The following TANGO6 variants were observed in gnomAD, a reference collection of about 807,000 sequenced individuals.
TANGO6 encodes transport and golgi organization 6 homolog, also known as transport and Golgi organization protein 6 homolog.
In TANGO6, 90 loss-of-function variants were observed where a neutral mutation model predicts 114.2. That is an observed-to-expected ratio of 0.79 (90% confidence interval 0.66 to 0.94). The LOEUF is 0.94. TANGO6 is among the 40% of genes least tolerant of loss of function. TANGO6 has a pLI of 0.00. For synonymous variants in TANGO6, 477 were observed against 509.8 expected (o/e 0.94, Z 0.87); for missense variants, 1,274 against 1,315.3 (o/e 0.97, Z 0.49).
intron 17 of TANGO6, among the ~76,000 whole-genome samples, chr16:69,053,108 A>G (rs1294102211): frequency 6.6e-6 from 1 of 152,156 alleles, no homozygotes; most frequent in Non-Finnish European, 1.5e-5. Flanking sequence ...GGTCTCAAAA[A>G]ATAAATAAAA....
intron 14 of TANGO6, among the ~76,000 whole-genome samples, chr16:68,942,562 A>G (rs2113278): frequency 0.023 from 3,441 of 152,302 alleles, 102 homozygotes; most frequent in African/African-American, 0.063. Context: ...TTAATCTGAC[A>G]TAGGAAGAAT....
intron 15 of TANGO6, among the ~76,000 whole-genome samples, chr16:68,977,539 A>G (rs549261301): frequency 6.6e-6 from 1 of 150,678 alleles, no homozygotes; most frequent in African/African-American, 2.4e-5. Context: ...CCCTGTCTCT[A>G]CTAAAAATAC....
At chr16:68,929,671 C>A (rs1022518371) in intron 13 of TANGO6, among the ~76,000 whole-genome samples, 1 of 152,106 alleles carries the variant, frequency 6.6e-6, no homozygotes, top group African/African-American at 2.4e-5. Context: ...GTAGTTGATA[C>A]CCCTGATAGG....
At chr16:68,904,353 G>A (rs376177434) in intron 9 of TANGO6, among the ~76,000 whole-genome samples, 1 of 152,138 alleles carries the variant, frequency 6.6e-6, no homozygotes, top group Non-Finnish European at 1.5e-5. Flanking sequence ...TAGAAGGGAC[G>A]TTTATCCATT....
intron 15 of TANGO6, among the ~76,000 whole-genome samples, chr16:69,012,580 G>GAAAAAAAA (rs745623750): frequency 9.2e-6 from 1 of 108,538 alleles, no homozygotes; most frequent in Non-Finnish European, 1.9e-5. Context: ...AAAAAAAAAG[G>GAAAAAAAA]AAAAAAAAAA....
At chr16:68,981,193 ATTTCTTT>A (rs914778575) in intron 15 of TANGO6, among the ~76,000 whole-genome samples, 7 of 123,530 alleles carry the variant, frequency 5.7e-5, no homozygotes, top group Non-Finnish European at 3.5e-5. Flanking sequence ...ATGTCATTGC[ATTTCTTT>A]TTTCTTTTCC....
chr16:68,877,920 T>A (rs1333430798), intron 5 of TANGO6, among the ~76,000 whole-genome samples, 198 bp from the exon 6 acceptor site: 3 of 152,226 alleles, frequency 2.0e-5, no homozygotes, highest in Non-Finnish European at 4.4e-5. Flanking sequence ...AAAATTTTTT[T>A]AATTAAAAAT....
chr16:69,002,656 A>G (rs1964054462), intron 15 of TANGO6, among the ~76,000 whole-genome samples: 1 of 152,140 alleles, frequency 6.6e-6, no homozygotes. Context: ...TTTTCTTTAT[A>G]AATTACCCAG....
Position 68,875,295 on chromosome 16 carries a change from A to G in TANGO6, c.1131+5A>G, listed in dbSNP as rs1318375892. 6.2e-7 allele frequency: 1 copy of G among 1,611,338 alleles called. No homozygotes were observed. The highest frequency in any genetic ancestry group is 8.5e-7 in the Non-Finnish European group (1 of 1,178,230). ...TACAGGGACATCTGCCCCCAGGTAA[A>G]TCTTTTTGTTTCTATTGATCATTTG... On this transcript the variant is annotated splice_donor_5th_base_variant and intron_variant, in intron 5 of 17. Coordinates refer to ENST00000261778, the MANE Select transcript of TANGO6 (RefSeq NM_024562.2).
intron 14 of TANGO6, chr16:68,933,990 T>A (rs1963274417): frequency 6.6e-6 from 1 of 152,092 alleles, no homozygotes; most frequent in South Asian, 2.1e-4. Flanking sequence ...TAAGAGAGCA[T>A]GCAGAGGGGA....
At chr16:69,000,482 A>T (rs1313304810) in intron 15 of TANGO6, among the ~76,000 whole-genome samples, 1 of 152,212 alleles carries the variant, frequency 6.6e-6, no homozygotes, top group Non-Finnish European at 1.5e-5. Flanking sequence ...TAAAGGGAAG[A>T]CTTAGCTTTC....
chr16:68,898,564 T>C (rs1384573849), intron 7 of TANGO6, among the ~76,000 whole-genome samples: 1 of 152,130 alleles, frequency 6.6e-6, no homozygotes, highest in Non-Finnish European at 1.5e-5. Context: ...GTTCTCAAAC[T>C]CCTGGGCTCA....
At chr16:68,965,248 C>A (rs547525248) in intron 14 of TANGO6, among the ~76,000 whole-genome samples, 33 of 152,278 alleles carry the variant, frequency 2.2e-4, no homozygotes, top group South Asian at 1.0e-3. Context: ...CAACCTCCAT[C>A]TCCCTGGTTC....
chr16:68,907,037 C>T (rs1962859826), intron 9 of TANGO6, among the ~76,000 whole-genome samples: 4 of 151,802 alleles, frequency 2.6e-5, no homozygotes, highest in Admixed American at 2.6e-4. Context: ...TCAGGTGATC[C>T]ACCCGCCTCG....
chr16:69,014,731 T>TA (rs578057809), intron 15 of TANGO6, among the ~76,000 whole-genome samples: 52 of 150,516 alleles, frequency 3.5e-4, no homozygotes, highest in African/African-American at 1.0e-3. Context: ...CCAATCTCTG[T>TA]AAAAAAAATT....
chr16:68,994,486 T>C (rs2152219112), intron 15 of TANGO6, among the ~76,000 whole-genome samples: 1 of 152,284 alleles, frequency 6.6e-6, no homozygotes, highest in African/African-American at 2.4e-5. Context: ...CTTTCTCTTA[T>C]TCTTTCCCAG....
chr16:69,051,482 G>T (rs140758118), intron 17 of TANGO6, among the ~76,000 whole-genome samples: 1 of 152,028 alleles, frequency 6.6e-6, no homozygotes, highest in Non-Finnish European at 1.5e-5. Context: ...TTGACAACAC[G>T]GTGAAACATG....
intron 17 of TANGO6, among the ~76,000 whole-genome samples, chr16:69,066,058 T>A (rs1025236612): frequency 6.6e-6 from 1 of 152,180 alleles, no homozygotes; most frequent in Non-Finnish European, 1.5e-5. Context: ...TTCTGCAGCA[T>A]AGCTTGATCA....
intron 17 of TANGO6, among the ~76,000 whole-genome samples, chr16:69,079,816 G>A (rs765678666): frequency 3.9e-5 from 6 of 152,144 alleles, no homozygotes; most frequent in Non-Finnish European, 8.8e-5. Flanking sequence ...GAACCTCTCT[G>A]GCCATATCTA....
Sources: gnomAD v4.1 joint callset for allele counts (sites outside exome capture counted in the v4.1 genomes callset) on GRCh38, gnomAD v4.1.1 for gene constraint, MANE v1.5 for transcripts, NCBI Gene and HGNC (gene_info 2026-07-23, HGNC 2026-07-21) for gene names.